SSH2: variants seen among roughly 807,000 people sequenced by gnomAD.
SSH2 encodes the protein protein phosphatase Slingshot homolog 2.
Under a neutral mutation model 135.2 loss-of-function variants are expected in SSH2, and 37 were observed. The ratio of observed to expected loss-of-function variants is 0.27; its 90% CI spans 0.21 to 0.36. The LOEUF (loss-of-function observed/expected upper bound fraction) is 0.36, where lower values mean the gene tolerates loss of function less well. Ranked by LOEUF, SSH2 falls within the 10% of genes least tolerant of loss-of-function variation. The probability of loss-of-function intolerance (pLI) is 1.00; values close to 1 mark genes in which losing one functional copy is unlikely to be tolerated. For synonymous variants in SSH2, 628 were observed against 646.2 expected (o/e 0.97, Z 0.43); for missense variants, 1,408 against 1,765.3 (o/e 0.80, Z 3.63).
chr17:29,671,013 A>C (rs1302189879), intron 9 of SSH2, among the ~76,000 whole-genome samples: 1 of 152,186 alleles, frequency 6.6e-6, no homozygotes, highest in African/African-American at 2.4e-5. Context: ...TAGTCACAGA[A>C]GTTTCAACAC....
intron 3 of SSH2, among the ~76,000 whole-genome samples, chr17:29,735,582 G>A (rs904755103): frequency 6.6e-6 from 1 of 150,834 alleles, no homozygotes; most frequent in Non-Finnish European, 1.5e-5. Flanking sequence ...CAGTAATCCC[G>A]CTACTTAGGA....
intron 4 of SSH2, among the ~76,000 whole-genome samples, chr17:29,701,610 G>T (rs1376652354): frequency 6.6e-6 from 1 of 151,742 alleles, no homozygotes; most frequent in African/African-American, 2.4e-5. Flanking sequence ...TTGCTCTGTT[G>T]CCCAGGCTGG....
chr17:29,846,710 G>A (rs1162583992), intron 2 of SSH2, among the ~76,000 whole-genome samples: 2 of 152,208 alleles, frequency 1.3e-5, no homozygotes, highest in African/African-American at 4.8e-5. Context: ...TGCATTCACT[G>A]TGACATGAAG....
chr17:29,872,180 C>A (rs921160371), intron 1 of SSH2, among the ~76,000 whole-genome samples: 2 of 152,124 alleles, frequency 1.3e-5, no homozygotes, highest in African/African-American at 4.8e-5. Context: ...AAACTAACTC[C>A]AGCTCTAATT....
chr17:29,820,957 A>G (rs1451821102), intron 2 of SSH2, among the ~76,000 whole-genome samples: 1 of 152,076 alleles, frequency 6.6e-6, no homozygotes, highest in Non-Finnish European at 1.5e-5. Flanking sequence ...AACTCCAGAC[A>G]CTTTCATTTC....
chr17:29,749,988 TC>T (rs1057188471), intron 3 of SSH2, among the ~76,000 whole-genome samples: 1 of 152,060 alleles, frequency 6.6e-6, no homozygotes, highest in African/African-American at 2.4e-5. Flanking sequence ...CACCTTGGCC[TC>T]CCGAAGTGCT....
intron 11 of SSH2, among the ~76,000 whole-genome samples, chr17:29,655,925 C>T (rs1329544675): frequency 6.6e-6 from 1 of 152,164 alleles, no homozygotes; most frequent in Non-Finnish European, 1.5e-5. Flanking sequence ...TATTCTTGCT[C>T]ATAGTAATCT....
chr17:29,703,190 A>G (rs1364670888), intron 3 of SSH2, 128 bp from the exon 4 acceptor site: 2 of 671,196 alleles, frequency 3.0e-6, no homozygotes, highest in African/African-American at 1.8e-5. Context: ...AAGTAAAAAC[A>G]TAATCAAGAG....
chr17:29,809,879 C>T (rs1303735366), intron 2 of SSH2, among the ~76,000 whole-genome samples: 2 of 152,066 alleles, frequency 1.3e-5, no homozygotes, highest in Non-Finnish European at 2.9e-5. Context: ...TAGATTGGAA[C>T]TTAGGTGTCC....
chr17:29,631,897 G>A lies in SSH2; in HGVS notation c.3297C>T (p.His1099=). 2 of 1,614,226 alleles carry A rather than the reference G, an allele frequency of 1.2e-6. No individual in the cohort carries two copies. The highest frequency in any genetic ancestry group is 2.7e-5 in the African/African-American group (2 of 75,052). The change falls in exon 16 of 16, where the codon CAC becomes CAT. Residue 1099 remains histidine, a synonymous_variant. Coordinates refer to ENST00000540801, the MANE Select transcript of SSH2 (RefSeq NM_001282129.2). The part of the protein sequence containing the change: ...RTLDPNQVSL[H]PQVLPLPHSS... The stretch of plus-strand genomic sequence containing the variant: ...AATGAGGCAGAGGTAGCACTTGGGG[G>A]TGCAGAGAAACCTGGTTGGGGTCCA...
At chr17:29,744,652 G>A (rs1400059283) in intron 3 of SSH2, among the ~76,000 whole-genome samples, 2 of 152,034 alleles carry the variant, frequency 1.3e-5, no homozygotes, top group African/African-American at 2.4e-5. Context: ...TGGCAACTAG[G>A]CCATTAAACT....
rs71138839 is a variant in SSH2 at position 29,638,509 on chromosome 17, T to TACAC, written c.1428-1711_1428-1708dup. Among the ~76,000 whole-genome samples the TACAC allele has an allele frequency of 8.8e-3, 1,132 of 128,946 alleles. 5 individuals carry two copies. The highest frequency in any genetic ancestry group is 0.013 in the Admixed American group (170 of 12,758). The allele number at this position is 128,946 out of a possible 152,430, so 84.6% of individuals were successfully genotyped here. ...GGGAAGGCTTTTACTTTCTATATTT[T>TACAC]ACACACACACACACACACACACACA... On this transcript the variant is annotated intron_variant, in intron 14 of 15. Transcript: ENST00000540801.
chr17:29,631,015 A>G lies in SSH2; in HGVS notation c.4179T>C (p.Thr1393=). The G allele has an allele frequency of 1.2e-6, 2 of 1,614,104 alleles. No individual in the cohort carries two copies. The highest frequency in any genetic ancestry group is 1.7e-6 in the Non-Finnish European group (2 of 1,179,936). ...GCACGGGAAGGCCTCCTTCAGAACT[A>G]GTCAATTCAAGTCCTGCCCTGGGGA... The part of the protein sequence containing the change: ...YLLPRAGLEL[T]SSEGGLPVLQ... Residue 1393 remains threonine, a synonymous_variant, in exon 16 of 16, where the codon ACT becomes ACC. Transcript: ENST00000540801.
At chr17:29,688,887 G>T (rs1405413017) in intron 5 of SSH2, among the ~76,000 whole-genome samples, 1 of 152,208 alleles carries the variant, frequency 6.6e-6, no homozygotes, top group African/African-American at 2.4e-5. Flanking sequence ...CGGGCGCAGT[G>T]GCTCACGTCT....
chr17:29,872,309 G>T (rs1255383231), intron 1 of SSH2, among the ~76,000 whole-genome samples: 4 of 152,016 alleles, frequency 2.6e-5, no homozygotes, highest in East Asian at 3.9e-4. Flanking sequence ...TGAACTCTTG[G>T]CTCCCATTCA....
At chr17:29,886,210 C>T (rs2066235336) in intron 1 of SSH2, among the ~76,000 whole-genome samples, 1 of 152,094 alleles carries the variant, frequency 6.6e-6, no homozygotes, top group African/African-American at 2.4e-5. Context: ...TGTTGAATGG[C>T]TTTGACCAAA....
chr17:29,793,825 G>GA (rs2042113592), intron 3 of SSH2, 69 bp downstream of exon 3: 2 of 1,349,244 alleles, frequency 1.5e-6, no homozygotes, highest in Non-Finnish European at 2.1e-6. Flanking sequence ...AAGAATTAGA[G>GA]AAAAAACAAT....
chr17:29,657,821 C>A (rs1230899860), intron 11 of SSH2, among the ~76,000 whole-genome samples: 1 of 151,626 alleles, frequency 6.6e-6, no homozygotes, highest in Admixed American at 6.6e-5. Context: ...GTGATCCTCC[C>A]CACCTTGGCC....
rs564138775 is a variant in SSH2, at chr17:29,701,192, C to T, written c.292+1767G>A. On this transcript the variant is annotated intron_variant, in intron 4 of 15. Transcript: ENST00000540801. ...TTCACCATGTTAGCCAGGATGGTCT[C>T]GATCTCCTGACCTTGTGATCCGCCC... Among the ~76,000 whole-genome samples, 7 of 152,144 alleles carry T rather than the reference C, an allele frequency of 4.6e-5. No homozygotes were observed. In the East Asian group the frequency reaches 7.8e-4, roughly 17 times the overall value.
Sources: allele counts gnomAD v4.1 joint callset (sites outside exome capture counted in the v4.1 genomes callset), GRCh38; gene constraint gnomAD v4.1.1; transcripts MANE v1.5; gene names NCBI Gene and HGNC (gene_info 2026-07-23, HGNC 2026-07-21).